Variants in CHST15 observed in about 807,000 individuals in gnomAD.
The protein encoded by CHST15 is carbohydrate sulfotransferase 15, also known as B cell RAG associated protein (GALNAC4S-6ST).
Under a neutral mutation model 53.6 loss-of-function variants are expected in CHST15, and 30 were observed. The observed-to-expected ratio is 0.56, with a 90% CI of 0.42 to 0.76. The LOEUF (loss-of-function observed/expected upper bound fraction) is 0.76. Ranked by LOEUF, CHST15 falls within the 30% of genes least tolerant of loss-of-function variation. CHST15 has a pLI of 0.00. For synonymous variants in CHST15, 296 were observed against 289.8 expected, an observed-to-expected ratio of 1.02 and a Z score of -0.22; for missense variants, 627 against 740.5, an observed-to-expected ratio of 0.85 and a Z score of 1.78.
chr10:124,044,754 C>G lies in CHST15; in HGVS notation c.712G>C (p.Gly238Arg). The change falls in exon 3 of 8, where the codon GGC becomes CGC. Residue 238 changes from glycine to arginine, a missense_variant. By Grantham distance (125) the Gly-to-Arg change is moderately radical. This residue lies in a region of CHST15 where 161 missense variants were observed against 117.2 expected (regional missense o/e 1.37). Transcript: ENST00000435907. The part of the protein sequence containing the change: ...TFDALRKAFW[G>R]HLAHAHGKHF... ...TTCCCGTGCGCGTGCGCCAGGTGGC[C>G]CCAGAAGGCCTTGCGCAGGGCGTCG... 1 of 1,612,750 alleles carries G rather than the reference C, an allele frequency of 6.2e-7. No individual in the cohort carries two copies. Among genetic ancestry groups the G allele is most frequent in the Non-Finnish European group, 8.5e-7 (1 of 1,179,460 alleles).
chr10:124,045,112 CAAAAAAAAAAA>C (rs758243657), intron 2 of CHST15, among the ~76,000 whole-genome samples, 193 bp from the exon 3 acceptor site: 16 of 33,800 alleles, frequency 4.7e-4, no homozygotes, highest in Non-Finnish European at 7.5e-4. Flanking sequence ...CGCCGCCCCA[CAAAAAAAAAAA>C]AAAAAAAAAA....
intron 5 of CHST15, among the ~76,000 whole-genome samples, chr10:124,023,804 C>T (rs1342690199): frequency 6.6e-6 from 1 of 152,072 alleles, no homozygotes; most frequent in East Asian, 1.9e-4. Flanking sequence ...TCTCATTCTG[C>T]ACCCATGCAT....
intron 1 of CHST15, among the ~76,000 whole-genome samples, chr10:124,086,246 G>A (rs538233384): frequency 6.6e-6 from 1 of 152,312 alleles, no homozygotes; most frequent in Admixed American, 6.5e-5. Context: ...CTTCTACCAA[G>A]TACGTACCTA....
chr10:124,089,974 C>A (rs974078533), intron 1 of CHST15, among the ~76,000 whole-genome samples: 1 of 152,172 alleles, frequency 6.6e-6, no homozygotes, highest in South Asian at 2.1e-4. Context: ...GCTGAATGAA[C>A]ACATGGCACA....
chr10:124,038,342 G>A (rs1197558197), intron 5 of CHST15, among the ~76,000 whole-genome samples, 173 bp downstream of exon 5: 1 of 152,060 alleles, frequency 6.6e-6, no homozygotes, highest in African/African-American at 2.4e-5. Context: ...CTGACCTCAG[G>A]CGATCCACCC....
chr10:124,020,556 G>C (rs79219368), intron 6 of CHST15: 33,076 of 985,636 alleles, frequency 0.034, 1,061 homozygotes, highest in East Asian at 0.27. Flanking sequence ...TCCACAGCAG[G>C]CCTGTTGGTG....
chr10:124,034,697 A>G (rs1590223853), intron 5 of CHST15, among the ~76,000 whole-genome samples: 2 of 99,558 alleles, frequency 2.0e-5, no homozygotes, highest in African/African-American at 4.2e-5. Flanking sequence ...CCCCGGCTCC[A>G]CCCCCTAACA....
At chr10:124,032,280 C>G (rs182806132) in intron 5 of CHST15, among the ~76,000 whole-genome samples, 27 of 152,366 alleles carry the variant, frequency 1.8e-4, no homozygotes, top group African/African-American at 6.3e-4. Context: ...TTGGACTCAT[C>G]ATCACAGAAT....
At chr10:124,082,986 T>TA (rs1237272454) in intron 1 of CHST15, among the ~76,000 whole-genome samples, 6 of 152,116 alleles carry the variant, frequency 3.9e-5, no homozygotes, top group Non-Finnish European at 8.8e-5. Context: ...TTTTTGAGAT[T>TA]AAAAAAAGTT....
At chr10:124,023,441 T>C (rs1352242757) in intron 5 of CHST15, among the ~76,000 whole-genome samples, 1 of 150,596 alleles carries the variant, frequency 6.6e-6, no homozygotes, top group Non-Finnish European at 1.5e-5. Flanking sequence ...GCCGTGATCA[T>C]GCCATTGCAC....
At chr10:124,060,472 G>A (rs1372047988) in intron 1 of CHST15, among the ~76,000 whole-genome samples, 1 of 148,638 alleles carries the variant, frequency 6.7e-6, no homozygotes, top group African/African-American at 2.5e-5. Context: ...GTGTGTGGAG[G>A]TGTGCCAGCC....
chr10:124,045,126 A>AAAAAAAAAAAAAAAAAAAAAAAAAAAC (rs1947931594), intron 2 of CHST15, among the ~76,000 whole-genome samples: 1 of 128,664 alleles, frequency 7.8e-6, no homozygotes, highest in Non-Finnish European at 1.6e-5. Context: ...AAAAAAAAAA[A>AAAAAAAAAAAAAAAAAAAAAAAAAAAC]AAAAAAAAAA....
chr10:124,082,035 T>A (rs1466009160), intron 1 of CHST15, among the ~76,000 whole-genome samples: 2 of 152,156 alleles, frequency 1.3e-5, no homozygotes, highest in Non-Finnish European at 2.9e-5. Context: ...CAAGGTGCTG[T>A]TCTTATTCGG....
chr10:124,064,437 C>T (rs565994124), intron 1 of CHST15, among the ~76,000 whole-genome samples: 7 of 152,340 alleles, frequency 4.6e-5, no homozygotes, highest in East Asian at 1.9e-4. Context: ...CGGAGCAGAA[C>T]GCAAGCCCCT....
intron 1 of CHST15, among the ~76,000 whole-genome samples, chr10:124,058,210 G>A (rs543983588): frequency 2.2e-4 from 34 of 152,276 alleles, no homozygotes; most frequent in African/African-American, 7.5e-4. Context: ...GCCGAGAAGC[G>A]CGTCTACCAA....
At chr10:124,041,763 C>A (rs1176410101) in intron 4 of CHST15, among the ~76,000 whole-genome samples, 1 of 152,196 alleles carries the variant, frequency 6.6e-6, no homozygotes, top group African/African-American at 2.4e-5. Context: ...TAATCAACCT[C>A]ACTTTGAATG....
At chr10:124,081,009 T>TCCTGGGCCTCCAG (rs1218509264) in intron 1 of CHST15, among the ~76,000 whole-genome samples, 16 of 152,296 alleles carry the variant, frequency 1.1e-4, no homozygotes, top group African/African-American at 2.9e-4. Flanking sequence ...CAAAGGAGAC[T>TCCTGGGCCTCCAG]CCTGGGCCTC....
intron 3 of CHST15, 93 bp downstream of exon 3, chr10:124,044,487 G>T: frequency 9.4e-7 from 1 of 1,062,318 alleles, no homozygotes; most frequent in Non-Finnish European, 1.3e-6. Context: ...TCTTTCTGCC[G>T]CCCTCGCCCC....
chr10:124,073,883 C>A (rs1218551470), intron 1 of CHST15, among the ~76,000 whole-genome samples: 2 of 152,152 alleles, frequency 1.3e-5, no homozygotes, highest in Non-Finnish European at 2.9e-5. Context: ...CCTCCAGTTG[C>A]CAGGTCTGAT....
Sources: gnomAD v4.1 joint callset for allele counts (sites outside exome capture counted in the v4.1 genomes callset) on GRCh38, gnomAD v4.1.1 for gene constraint, gnomAD v4.1.1 regional missense constraint, MANE v1.5 for transcripts, NCBI Gene and HGNC (gene_info 2026-07-23, HGNC 2026-07-21) for gene names.